Variants in PNPLA7 observed in about 807,000 individuals in gnomAD.
PNPLA7 encodes the protein patatin like domain 7, lysophospholipase, also known as patatin-like phospholipase domain-containing protein 7.
Under a neutral mutation model 161.7 loss-of-function variants are expected in PNPLA7, and 153 were observed. The observed-to-expected ratio is 0.95, with a 90% confidence interval of 0.83 to 1.08. The LOEUF is 1.08. Ranked by LOEUF, PNPLA7 falls within the 50% of genes least tolerant of loss-of-function variation. PNPLA7 has a pLI of 0.00. For missense variants in PNPLA7, 1,739 were observed against 1,856.6 expected, an observed-to-expected ratio of 0.94 and a Z score of 1.16; for synonymous variants, 809 against 782.1, an observed-to-expected ratio of 1.03 and a Z score of -0.57.
At position 137,541,405 on chromosome 9, in the gene PNPLA7, A is replaced by G; in HGVS notation, c.667-683T>C. On this transcript the variant is annotated intron_variant, in intron 7 of 34. Transcript: ENST00000406427. This position sits in a 1 kb window ranked among gnomAD's most constrained non-coding sequence, Gnocchi z 4.4. ...TAACCCATCAAGTCCAGCCACAGAC[A>G]AAGCGACAAACCTGAGAACCAAATA... 1.0e-6 allele frequency: 1 copy of G among 985,270 alleles called. No individual in the cohort carries two copies. The highest frequency in any genetic ancestry group is 1.2e-6 in the Non-Finnish European group (1 of 829,778). The allele number at this position is 985,270 out of a possible 1,614,324, so 61.0% of individuals were successfully genotyped here. A position where few individuals can be genotyped will look rare whatever the true frequency, so the allele number is the denominator to read the frequency against.
intron 32 of PNPLA7, 41 bp from the exon 33 acceptor site, chr9:137,461,661 C>T (rs762517028): frequency 6.5e-6 from 10 of 1,536,424 alleles, no homozygotes; most frequent in South Asian, 3.6e-5. Context: ...TGTGGACACC[C>T]GCCTGCCAGT....
chr9:137,502,417 A>G (rs1833487466), intron 14 of PNPLA7, among the ~76,000 whole-genome samples: 1 of 151,520 alleles, frequency 6.6e-6, no homozygotes, highest in Non-Finnish European at 1.5e-5. Flanking sequence ...GAAGGGGGTG[A>G]AGGCAGCTCC....
At chr9:137,502,262 G>A (rs1488502734) in intron 14 of PNPLA7, among the ~76,000 whole-genome samples, 2 of 152,076 alleles carry the variant, frequency 1.3e-5, no homozygotes, top group African/African-American at 2.4e-5. Context: ...GAGCGTCTGC[G>A]GGCACCACAC....
At chr9:137,542,505 C>A in intron 7 of PNPLA7, 137 bp downstream of exon 7, 1 of 998,972 alleles carries the variant, frequency 1.0e-6, no homozygotes, top group South Asian at 1.9e-5. Context: ...AAAATAAAAA[C>A]GGTGAGTTTT....
intron 18 of PNPLA7, among the ~76,000 whole-genome samples, chr9:137,495,578 T>G (rs369788789): frequency 1.7e-3 from 253 of 152,152 alleles, no homozygotes; most frequent in African/African-American, 5.9e-3. Context: ...CGAGTAGCTG[T>G]GACCACAGAT....
chr9:137,505,668 C>T lies in PNPLA7; in HGVS notation c.1419G>A (p.Ser473=), dbSNP rs747332664. 17 of 1,614,008 alleles carry T rather than the reference C, an allele frequency of 1.1e-5. No individual in the cohort carries two copies. Among genetic ancestry groups the T allele is most frequent in the African/African-American group, 2.7e-5 (2 of 74,938 alleles). The part of the protein sequence containing the change: ...HTDETLASRK[S]DAIFRAAKKD... ...TCTTGGCAGCTCTGAAGATGGCATC[C>T]GACTTCCTGCTGGCCAGGGTCTCAT... is the stretch of plus-strand genomic sequence containing the variant. The change falls in exon 14 of 35, where the codon TCG becomes TCA. Residue 473 remains serine (S), a synonymous_variant. Coordinates refer to ENST00000406427, the MANE Select transcript of PNPLA7 (RefSeq NM_001098537.3).
rs1347593495 is a variant in PNPLA7 at position 137,519,899 on chromosome 9, C to T, written c.1084+18G>A. 12 of 1,603,514 alleles carry T rather than the reference C, an allele frequency of 7.5e-6. No individual in the cohort carries two copies. Among genetic ancestry groups the T allele is most frequent in the Non-Finnish European group, 1.0e-5 (12 of 1,174,384 alleles). ...GACTCTGGGGCTGGACATTGCCCTCCTTGGTGCAGGACAGTACCTGAGTCA... is the reference window on the plus strand; with the variant it reads ...GACTCTGGGGCTGGACATTGCCCTCTTTGGTGCAGGACAGTACCTGAGTCA... On this transcript the variant is annotated intron_variant, in intron 11 of 34. Coordinates refer to ENST00000406427, the MANE Select transcript of PNPLA7 (RefSeq NM_001098537.3).
chr9:137,508,170 G>A (rs1316141830), intron 12 of PNPLA7, among the ~76,000 whole-genome samples: 1 of 152,142 alleles, frequency 6.6e-6, no homozygotes. Flanking sequence ...AGGCTGCAGT[G>A]AGTTGTGATT....
Position 137,490,659 on chromosome 9 carries a change from A to C in PNPLA7, c.2197+2354T>G, listed in dbSNP as rs903427583. On this transcript the variant is annotated intron_variant, in intron 20 of 34. Transcript: ENST00000406427. This position sits in a 1 kb window ranked among gnomAD's most constrained non-coding sequence, Gnocchi z 4.1. ...CTGCAGCCATCAGACCTTCTCTGAA[A>C]GAACCGCTAACCACAATTCTTCAAC... is the stretch of plus-strand genomic sequence containing the variant. Among the ~76,000 whole-genome samples the C allele has an allele frequency of 1.3e-5, 2 of 152,248 alleles. No homozygotes were observed. The highest frequency in any genetic ancestry group is 2.9e-5 in the Non-Finnish European group (2 of 68,046).
chr9:137,484,838 G>T, intron 20 of PNPLA7, 102 bp from the exon 21 acceptor site: 1 of 1,375,458 alleles, frequency 7.3e-7, no homozygotes, highest in Non-Finnish European at 9.6e-7. Context: ...CAACGCAGCA[G>T]CACCAGAGGC....
At chr9:137,481,426 G>A (rs775780229) in intron 21 of PNPLA7, among the ~76,000 whole-genome samples, 8 of 152,220 alleles carry the variant, frequency 5.3e-5, no homozygotes, top group Non-Finnish European at 1.0e-4. Context: ...GGTGCCAGAC[G>A]CCAAGAGGCC....
chr9:137,505,830 A>G, intron 13 of PNPLA7, 70 bp from the exon 14 acceptor site: 1 of 1,587,062 alleles, frequency 6.3e-7, no homozygotes, highest in Non-Finnish European at 8.6e-7. Context: ...GGGTGTGGTC[A>G]GGTCTGAATC....
In PNPLA7 at chr9:137,460,688, G is replaced by A; in HGVS notation, c.3891C>T (p.Pro1297=). ...TCTGGAAGTCTGCGTATGCATCCCT[G>A]GGGACGTCCAGCAGCTCCTCCTCGT... The part of the protein sequence containing the change: ...TEYEEELLDV[P]RDAYADFQST... The change falls in exon 34 of 35, where the codon CCC becomes CCT. Residue 1297 remains proline, a synonymous_variant. Transcript: ENST00000406427. 2 of 1,612,846 alleles carry A rather than the reference G, an allele frequency of 1.2e-6. No individual in the cohort carries two copies. The highest frequency in any genetic ancestry group is 1.1e-5 in the South Asian group (1 of 91,086).
chr9:137,545,877 G>C (rs575555378), intron 4 of PNPLA7, among the ~76,000 whole-genome samples: 74 of 152,148 alleles, frequency 4.9e-4, no homozygotes, highest in Admixed American at 8.5e-4. Flanking sequence ...GTGATCTAGC[G>C]GTAGCGTCAG....
Position 137,520,234 on chromosome 9 carries a change from G to T in PNPLA7, c.958-191C>A, listed in dbSNP as rs755001492. Among the ~76,000 whole-genome samples, 13 of 152,204 alleles carry T rather than the reference G, an allele frequency of 8.5e-5. No individual in the cohort carries two copies. The highest frequency in any genetic ancestry group is 6.8e-3 in the Middle Eastern group (2 of 294). On this transcript the variant is annotated intron_variant, in intron 10 of 34. Transcript: ENST00000406427. This position sits in a 1 kb window ranked among gnomAD's most constrained non-coding sequence, Gnocchi z 5.2. ...TGGGCCTCTCAAAGGTGTGACAGGT[G>T]TGGGCCTCTCAAGGCAAAGTTTAAG...
In PNPLA7 at chr9:137,503,948, TGAAGAAGAAGGAAGAAGGAA is replaced by T. The variant is rs1564325469; in HGVS notation, c.1473+1646_1473+1665del. On this transcript the variant is annotated intron_variant, in intron 14 of 34. Coordinates refer to ENST00000406427, the MANE Select transcript of PNPLA7 (RefSeq NM_001098537.3). ...AAGAAGGAAGAAGAAGAAGGAAGAA[TGAAGAAGAAGGAAGAAGGAA>T]GAAGAAGAAGGAAGAAGAAAGAAGC... 1.5e-4 allele frequency among the ~76,000 whole-genome samples: 5 copies of T among 32,578 alleles called. No homozygotes were observed. The South Asian group carries it at 3.9e-3, about 26-fold the overall frequency. The allele number at this position is 32,578 out of a possible 152,430, so 21.4% of individuals were successfully genotyped here. A position where few individuals can be genotyped will look rare whatever the true frequency, so the allele number is the denominator to read the frequency against.
At chr9:137,461,695 G>T in intron 32 of PNPLA7, 75 bp from the exon 33 acceptor site, 1 of 1,435,044 alleles carries the variant, frequency 7.0e-7, no homozygotes, top group Non-Finnish European at 9.5e-7. Context: ...CCTGTGGGGA[G>T]GCCCCACCCA....
rs755964218 is a variant in PNPLA7, at chr9:137,492,971, T to C, written c.2197+42A>G. The C allele has an allele frequency of 3.8e-6, 6 of 1,587,732 alleles. No individual in the cohort carries two copies. In the Admixed American group the frequency reaches 1.0e-4, roughly 27 times the overall value. On this transcript the variant is annotated intron_variant, in intron 20 of 34. Coordinates refer to ENST00000406427, the MANE Select transcript of PNPLA7 (RefSeq NM_001098537.3). The stretch of plus-strand genomic sequence containing the variant: ...GGGTGGGCGGGGCTCCAGGACTGGG[T>C]GAGGGCTCCCAGGAGGCTCTGGGTT...
chr9:137,481,049 A>G, intron 21 of PNPLA7, 26 bp from the exon 22 acceptor site: 1 of 1,551,372 alleles, frequency 6.4e-7, no homozygotes, highest in Non-Finnish European at 8.7e-7. Context: ...CCAGTAACGG[A>G]GCCTGCCTGG....
Sources: gnomAD v4.1 joint callset for allele counts (sites outside exome capture counted in the v4.1 genomes callset) on GRCh38, gnomAD v4.1.1 for gene constraint, Gnocchi (gnomAD v3.1) non-coding constraint, MANE v1.5 for transcripts, NCBI Gene and HGNC (gene_info 2026-07-23, HGNC 2026-07-21) for gene names.